Variants in SYNCRIP observed in about 807,000 individuals in gnomAD.
SYNCRIP encodes heterogeneous nuclear ribonucleoprotein Q.
SYNCRIP carries 9 observed loss-of-function variants against 68.9 expected under a neutral mutation model. The observed-to-expected ratio is 0.13, with a 90% confidence interval of 0.08 to 0.23. The LOEUF is 0.23. Ranked by LOEUF, SYNCRIP falls within the 10% of genes least tolerant of loss-of-function variation. The pLI is 1.00. For synonymous variants in SYNCRIP, 258 were observed against 254.0 expected (o/e 1.02, Z -0.15); for missense variants, 414 against 770.6 (o/e 0.54, Z 5.48).
At position 85,637,090 on chromosome 6, in the gene SYNCRIP, T is replaced by C. The variant is rs1386779538; in HGVS notation, c.543A>G (p.Leu181=). 3.7e-6 allele frequency: 6 copies of C among 1,614,006 alleles called. No individual in the cohort carries two copies. The highest frequency in any genetic ancestry group is 5.1e-6 in the Non-Finnish European group (6 of 1,179,996). The change falls in exon 6 of 11, where the codon TTA becomes TTG. Residue 181 remains leucine (L), a synonymous_variant. Transcript: ENST00000369622. ...CCCATATAGGTCCAGCTTTCTCAAA[T>C]AATGGAACAAGTTCATCCTCAAATA... ...RDLFEDELVP[L]FEKAGPIWDL... is the part of the protein sequence containing the mutation.
intron 6 of SYNCRIP, among the ~76,000 whole-genome samples, chr6:85,627,214 G>A (rs1044306764): frequency 2.7e-5 from 4 of 147,320 alleles, no homozygotes; most frequent in Non-Finnish European, 5.9e-5. Flanking sequence ...GTTGCAGTGA[G>A]CCCAGATCGC....
At chr6:85,642,451 A>C (rs1479859304) in intron 1 of SYNCRIP, among the ~76,000 whole-genome samples, 4 of 151,990 alleles carry the variant, frequency 2.6e-5, no homozygotes, top group Non-Finnish European at 5.9e-5. Context: ...AGCTCGCCGC[A>C]CGGCTGCAGG....
intron 8 of SYNCRIP, among the ~76,000 whole-genome samples, chr6:85,620,386 CTT>C (rs1806255035): frequency 1.3e-5 from 2 of 152,104 alleles, no homozygotes; most frequent in Admixed American, 6.6e-5. Flanking sequence ...CATAGAAGAA[CTT>C]TAAATATGTA....
chr6:85,611,259 TTAA>T (rs1197985116), downstream of SYNCRIP: 4 of 152,348 alleles, frequency 2.6e-5, no homozygotes, highest in Non-Finnish European at 5.9e-5. Context: ...CACATTTATA[TTAA>T]TGACACATAA....
At chr6:85,622,418 A>C (rs1583265844) in intron 8 of SYNCRIP, 64 bp downstream of exon 8, 85 of 1,225,050 alleles carry the variant, frequency 6.9e-5, no homozygotes, top group Non-Finnish European at 8.3e-5. Flanking sequence ...TGTTCCCCCC[A>C]CCCCAACCCC....
intron 8 of SYNCRIP, among the ~76,000 whole-genome samples, chr6:85,619,852 TC>T (rs1414150992): frequency 6.6e-6 from 1 of 152,092 alleles, no homozygotes; most frequent in Non-Finnish European, 1.5e-5. Flanking sequence ...AACACACACT[TC>T]CATATGACCC....
chr6:85,636,911 A>C (rs1808526612), intron 6 of SYNCRIP, 56 bp downstream of exon 6: 1 of 1,510,648 alleles, frequency 6.6e-7, no homozygotes, highest in East Asian at 2.3e-5. Flanking sequence ...TAAGAAAAAA[A>C]CTTGATATTA....
downstream of SYNCRIP, chr6:85,612,812 A>C (rs1805348365): frequency 6.6e-7 from 1 of 1,524,640 alleles, no homozygotes; most frequent in Non-Finnish European, 8.8e-7. Flanking sequence ...GACATATTTA[A>C]GGTTGCTTGA....
chr6:85,624,167 T>C (rs1362652299), intron 6 of SYNCRIP, 55 bp from the exon 7 acceptor site: 1 of 1,529,336 alleles, frequency 6.5e-7, no homozygotes, highest in Non-Finnish European at 8.9e-7. Context: ...ACTAGAACAG[T>C]TAATTATAAA....
intron 4 of SYNCRIP, among the ~76,000 whole-genome samples, chr6:85,639,337 T>G (rs544113107): frequency 6.6e-6 from 1 of 152,330 alleles, no homozygotes; most frequent in African/African-American, 2.4e-5. Context: ...TGATTACAAC[T>G]GAATTACAAT....
At chr6:85,630,733 G>A (rs533421537) in intron 6 of SYNCRIP, among the ~76,000 whole-genome samples, 2 of 152,140 alleles carry the variant, frequency 1.3e-5, no homozygotes, top group African/African-American at 4.8e-5. Context: ...GAATATTAGA[G>A]AGCACTGGTC....
downstream of SYNCRIP, chr6:85,612,448 T>C (rs1164839721): frequency 6.5e-6 from 1 of 153,162 alleles, no homozygotes; most frequent in East Asian, 1.9e-4. Context: ...AATTTAAGGA[T>C]ACCATCAGTG....
At chr6:85,630,505 G>A (rs1002442415) in intron 6 of SYNCRIP, among the ~76,000 whole-genome samples, 1 of 152,130 alleles carries the variant, frequency 6.6e-6, no homozygotes, top group Non-Finnish European at 1.5e-5. Flanking sequence ...ACCAGCCTTG[G>A]GCTCCAATTC....
intron 2 of SYNCRIP, 138 bp from the exon 3 acceptor site, chr6:85,640,702 C>A (rs1181797127): frequency 1.8e-6 from 1 of 544,878 alleles, no homozygotes. Context: ...AAAAAAAACA[C>A]ACACTTCAGC....
chr6:85,638,984 T>TG (rs1808806025), intron 4 of SYNCRIP, among the ~76,000 whole-genome samples: 1 of 152,084 alleles, frequency 6.6e-6, no homozygotes, highest in African/African-American at 2.4e-5. Flanking sequence ...CCAAGGTGGG[T>TG]GGGTCACGAG....
chr6:85,608,548 G>C (rs965352728), exon 12 of SYNCRIP: 2 of 151,726 alleles, frequency 1.3e-5, no homozygotes, highest in African/African-American at 4.8e-5. Context: ...CAAATCAAAG[G>C]GCCTGCAGAC....
At chr6:85,642,277 C>A (rs1489662565) in intron 1 of SYNCRIP, among the ~76,000 whole-genome samples, 1 of 152,146 alleles carries the variant, frequency 6.6e-6, no homozygotes, top group Non-Finnish European at 1.5e-5. Context: ...CGGGCGCCGA[C>A]GACCCCCGGC....
chr6:85,618,613 A>G (rs1212528125), intron 10 of SYNCRIP, among the ~76,000 whole-genome samples: 3 of 152,164 alleles, frequency 2.0e-5, no homozygotes, highest in African/African-American at 7.2e-5. Context: ...GTTATTTACA[A>G]TTCTGATTAT....
intron 8 of SYNCRIP, 98 bp from the exon 9 acceptor site, chr6:85,619,515 A>C: frequency 2.8e-6 from 3 of 1,076,318 alleles, no homozygotes; most frequent in Non-Finnish European, 3.9e-6. Context: ...ATCACAATCC[A>C]TTAGAAGAAT....
Sources: allele counts gnomAD v4.1 joint callset (sites outside exome capture counted in the v4.1 genomes callset), GRCh38; gene constraint gnomAD v4.1.1; transcripts MANE v1.5; gene names NCBI Gene and HGNC (gene_info 2026-07-23, HGNC 2026-07-21).